ACKR2: variants seen among roughly 807,000 people sequenced by gnomAD.
ACKR2 encodes atypical chemokine receptor 2.
For synonymous variants in ACKR2, 207 were observed against 192.2 expected, an observed-to-expected ratio of 1.08 and a Z score of -0.64; for missense variants, 457 against 477.3, an observed-to-expected ratio of 0.96 and a Z score of 0.40.
Position 42,865,280 on chromosome 3 carries a change from T to C in ACKR2, c.778T>C (p.Phe260Leu), listed in dbSNP as rs755009181. Residue 260 changes from phenylalanine (F) to leucine (L), a missense_variant, in exon 3 of 3, where the codon TTC becomes CTC. Physicochemically the swap from Phe to Leu is conservative, Grantham distance 22. Transcript: ENST00000422265. Reference protein sequence around the residue: ...KIAAALVVAFFVLWFPYNLTL... With the variant: ...KIAAALVVAFLVLWFPYNLTL... Reference sequence around the variant, plus strand: ...AGCTGCAGCCTTGGTGGTGGCCTTCTTCGTGCTATGGTTCCCATACAATCT... The same window carrying C: ...AGCTGCAGCCTTGGTGGTGGCCTTCCTCGTGCTATGGTTCCCATACAATCT... 1.6e-5 allele frequency: 26 copies of C among 1,614,096 alleles called. No individual in the cohort carries two copies. Among genetic ancestry groups the C allele is most frequent in the Non-Finnish European group, 2.0e-5 (24 of 1,180,036 alleles).
chr3:42,853,003 C>T (rs1701179161), intron 2 of ACKR2, among the ~76,000 whole-genome samples: 1 of 152,150 alleles, frequency 6.6e-6, no homozygotes. Flanking sequence ...ACCTGTTCAC[C>T]CCTTCACGAG....
intron 2 of ACKR2, among the ~76,000 whole-genome samples, chr3:42,828,327 C>G (rs1371566828): frequency 6.6e-6 from 1 of 151,756 alleles, no homozygotes; most frequent in African/African-American, 2.4e-5. Context: ...GTCAGGCTAG[C>G]CTTGAACTCC....
In ACKR2 at chr3:42,865,802, C is replaced by T. The variant is rs1433525871; in HGVS notation, c.*145C>T. The T allele has an allele frequency of 4.1e-5, 26 of 626,794 alleles. No individual in the cohort carries two copies. In the Admixed American group the frequency reaches 7.8e-4, roughly 19 times the overall value. 38.8% of individuals were successfully genotyped at this position (626,794 alleles called of 1,614,324 possible). ...TTCTCAGCCATCAGCAGCATTTGCT[C>T]GCCCCGCCTTCTTCCTCCACTTTCT... is the stretch of plus-strand genomic sequence containing the variant. On this transcript the variant is annotated 3_prime_UTR_variant, in exon 3 of 3. Coordinates refer to ENST00000422265, the MANE Select transcript of ACKR2 (RefSeq NM_001296.5).
intron 1 of ACKR2, among the ~76,000 whole-genome samples, chr3:42,812,479 A>T (rs1700705908): frequency 6.6e-6 from 1 of 152,158 alleles, no homozygotes. Flanking sequence ...TCTTTTAATG[A>T]AAATACAGTT....
At chr3:42,859,983 A>G (rs921644487) in intron 2 of ACKR2, among the ~76,000 whole-genome samples, 5 of 152,008 alleles carry the variant, frequency 3.3e-5, no homozygotes. Flanking sequence ...ATTCACGCAT[A>G]ACAATATTAA....
rs1209301411 is a variant in ACKR2 at position 42,859,381 on chromosome 3, A to ATT, written c.-37-5071_-37-5070dup. ...AGTGGGGGTCCAATATTCAACATTC[A>ATT]TTTTTTTTTTTTTTTGAGACAGAGT... On this transcript the variant is annotated intron_variant, in intron 2 of 2. Transcript: ENST00000422265. 4.0e-4 allele frequency among the ~76,000 whole-genome samples: 56 copies of ATT among 141,456 alleles called. 1 individual carries two copies. The highest frequency in any genetic ancestry group is 7.2e-4 in the Non-Finnish European group (46 of 64,198). 92.8% of individuals were successfully genotyped at this position (141,456 alleles called of 152,430 possible).
intron 2 of ACKR2, among the ~76,000 whole-genome samples, chr3:42,827,256 C>T (rs898886059): frequency 6.6e-6 from 1 of 152,184 alleles, no homozygotes; most frequent in Non-Finnish European, 1.5e-5. Context: ...CCTGGTTAAA[C>T]ATTATTCATT....
chr3:42,848,213 A>ATTTTTTTT (rs36054454), intron 2 of ACKR2, among the ~76,000 whole-genome samples: 2 of 74,920 alleles, frequency 2.7e-5, no homozygotes, highest in Non-Finnish European at 5.1e-5. Context: ...AAAAAAAAAA[A>ATTTTTTTT]TTTTTTTTTT....
At chr3:42,843,177 C>T (rs1257859625) in intron 2 of ACKR2, among the ~76,000 whole-genome samples, 9 of 151,850 alleles carry the variant, frequency 5.9e-5, no homozygotes, top group African/African-American at 2.2e-4. Context: ...CAGGCTCAAG[C>T]GATTCTCCTG....
intron 1 of ACKR2, among the ~76,000 whole-genome samples, chr3:42,809,794 A>T (rs1700676089): frequency 6.6e-6 from 1 of 151,940 alleles, no homozygotes; most frequent in South Asian, 2.1e-4. Context: ...CCTGGGAGGC[A>T]GAGGTTGCAG....
intron 2 of ACKR2, among the ~76,000 whole-genome samples, chr3:42,854,568 C>T (rs2088291358): frequency 6.6e-6 from 1 of 152,170 alleles, no homozygotes; most frequent in Non-Finnish European, 1.5e-5. Flanking sequence ...TAATCTGAGG[C>T]TGTGGACAAT....
At chr3:42,860,187 A>AAAAAAAAAAAAAAAAAAAC (rs1340814378) in intron 2 of ACKR2, among the ~76,000 whole-genome samples, 1 of 145,950 alleles carries the variant, frequency 6.9e-6, no homozygotes, top group Non-Finnish European at 1.5e-5. Context: ...AAAAAAAAAA[A>AAAAAAAAAAAAAAAAAAAC]AAGCAGGGGA....
chr3:42,858,617 C>A (rs1268132894), intron 2 of ACKR2, among the ~76,000 whole-genome samples: 1 of 133,002 alleles, frequency 7.5e-6, no homozygotes, highest in African/African-American at 2.6e-5. Context: ...CACCTCTTCT[C>A]CTCCAAATGA....
rs2088377669 is a variant in ACKR2, at chr3:42,860,813, A to AT, written c.-37-3652dup. On this transcript the variant is annotated intron_variant, in intron 2 of 2. Coordinates refer to ENST00000422265, the MANE Select transcript of ACKR2 (RefSeq NM_001296.5). ...GAAATAAATAAGCTCTTTGAAACCA[A>AT]TGAGAACAAAGACACAATGTACTAG... Among the ~76,000 whole-genome samples, 3 of 152,354 alleles carry AT rather than the reference A, an allele frequency of 2.0e-5. No homozygotes were observed. In the South Asian group the frequency reaches 6.2e-4, roughly 32 times the overall value.
chr3:42,825,577 ATGTGTGTG>A (rs113371609), intron 2 of ACKR2, among the ~76,000 whole-genome samples: 2 of 148,718 alleles, frequency 1.3e-5, no homozygotes, highest in Non-Finnish European at 3.0e-5. Flanking sequence ...GTTAGCTCTG[ATGTGTGTG>A]TGTGTGTGTG....
chr3:42,836,179 AACCAC>A (rs1212018870), intron 2 of ACKR2, among the ~76,000 whole-genome samples: 1 of 152,212 alleles, frequency 6.6e-6, no homozygotes, highest in East Asian at 1.9e-4. Context: ...ATAAATTACA[AACCAC>A]ACCTCTCTCC....
chr3:42,824,413 A>G (rs923958980), intron 2 of ACKR2, among the ~76,000 whole-genome samples: 5 of 152,206 alleles, frequency 3.3e-5, no homozygotes, highest in Non-Finnish European at 5.9e-5. Flanking sequence ...ATGCAATTTA[A>G]TATAACCACA....
chr3:42,815,545 C>A (rs1458571121), intron 1 of ACKR2, among the ~76,000 whole-genome samples: 1 of 152,170 alleles, frequency 6.6e-6, no homozygotes, highest in Non-Finnish European at 1.5e-5. Flanking sequence ...AATACACTTC[C>A]CAGACACATT....
intron 1 of ACKR2, among the ~76,000 whole-genome samples, chr3:42,816,448 T>C (rs982715997): frequency 6.6e-6 from 1 of 152,122 alleles, no homozygotes; most frequent in Non-Finnish European, 1.5e-5. Context: ...GTTTATGTAG[T>C]GATAATTTTT....
Sources: allele counts gnomAD v4.1 joint callset (sites outside exome capture counted in the v4.1 genomes callset), GRCh38; gene constraint gnomAD v4.1.1; transcripts MANE v1.5; gene names NCBI Gene and HGNC (gene_info 2026-07-23, HGNC 2026-07-21).